The following THRB variants were observed in gnomAD, a reference collection of about 807,000 sequenced individuals.
THRB encodes the protein nuclear receptor subfamily 1 group A member 2.
A neutral mutation model predicts 47.8 loss-of-function variants in THRB; 12 were observed. That is an observed-to-expected ratio of 0.25 (90% CI 0.16 to 0.41). The LOEUF (loss-of-function observed/expected upper bound fraction) is 0.41, where lower values mean the gene tolerates loss of function less well. Ranked by LOEUF, THRB falls within the 10% of genes least tolerant of loss-of-function variation. THRB has a pLI of 1.00. For synonymous variants in THRB, 218 were observed against 212.2 expected (o/e 1.03, Z -0.24); for missense variants, 348 against 589.2 (o/e 0.59, Z 4.24).
intron 10 of THRB, among the ~76,000 whole-genome samples, chr3:24,124,648 A>T (rs2032370068): frequency 6.6e-6 from 1 of 152,240 alleles, no homozygotes; most frequent in African/African-American, 2.4e-5. Context: ...AAAAGTTCTT[A>T]AAGAAATGTC....
At chr3:24,171,582 G>A (rs1042912158) in intron 5 of THRB, among the ~76,000 whole-genome samples, 7 of 152,146 alleles carry the variant, frequency 4.6e-5, no homozygotes, top group South Asian at 2.1e-4. Context: ...CGTTGAGGCC[G>A]TGACCCACTC....
intron 1 of THRB, among the ~76,000 whole-genome samples, chr3:24,435,791 C>G (rs2070883258): frequency 6.6e-6 from 1 of 152,190 alleles, no homozygotes; most frequent in African/African-American, 2.4e-5. Flanking sequence ...AAGCACGCAG[C>G]AATATGCACA....
chr3:24,355,296 T>C (rs148553212), intron 1 of THRB, among the ~76,000 whole-genome samples: 5 of 152,032 alleles, frequency 3.3e-5, no homozygotes, highest in Non-Finnish European at 5.9e-5. Flanking sequence ...CCTCCAAAAA[T>C]ACCAAGGTCA....
intron 1 of THRB, among the ~76,000 whole-genome samples, chr3:24,390,849 T>C (rs934206383): frequency 1.3e-5 from 2 of 151,190 alleles, no homozygotes; most frequent in Admixed American, 6.6e-5. Flanking sequence ...TAAAAACTCA[T>C]AGGTAGAATA....
intron 5 of THRB, among the ~76,000 whole-genome samples, chr3:24,167,559 T>G (rs1241495206): frequency 6.6e-6 from 1 of 152,196 alleles, no homozygotes; most frequent in African/African-American, 2.4e-5. Flanking sequence ...TCTGATGTCA[T>G]TTATTTATCT....
At chr3:24,183,484 C>T (rs1419921628) in intron 5 of THRB, among the ~76,000 whole-genome samples, 2 of 150,690 alleles carry the variant, frequency 1.3e-5, no homozygotes, top group East Asian at 2.0e-4. Context: ...TCTCCTGCCT[C>T]GGCCTCCTGA....
At position 24,122,626 on chromosome 3, in the gene THRB, A is replaced by ATGAT. The variant is rs1206750405; in HGVS notation, c.*254_*257dup. The ATGAT allele has an allele frequency of 1.7e-5, 9 of 517,008 alleles. No homozygotes were observed. Among genetic ancestry groups the ATGAT allele is most frequent in the African/African-American group, 1.7e-4 (9 of 52,172 alleles). The allele number at this position is 517,008 out of a possible 1,614,324, so 32.0% of individuals were successfully genotyped here. A position where few individuals can be genotyped will look rare whatever the true frequency, so the allele number is the denominator to read the frequency against. The stretch of plus-strand genomic sequence containing the variant: ...GGTGATGCTTGGTGCTGGTGAGTTA[A>ATGAT]TGATTGTCCCCCACCCCACCTCCAC... On this transcript the variant is annotated 3_prime_UTR_variant, in exon 11 of 11. Coordinates refer to ENST00000646209, the MANE Select transcript of THRB (RefSeq NM_001354712.2).
chr3:24,139,424 T>G (rs2035153915), intron 8 of THRB, among the ~76,000 whole-genome samples: 1 of 151,604 alleles, frequency 6.6e-6, no homozygotes, highest in Non-Finnish European at 1.5e-5. Context: ...TACTCTGTTG[T>G]CCAGTCTGGA....
chr3:24,270,597 T>C (rs977056932), intron 3 of THRB, among the ~76,000 whole-genome samples: 5 of 152,248 alleles, frequency 3.3e-5, no homozygotes, highest in African/African-American at 7.2e-5. Context: ...TTGGCATCCA[T>C]GCAATTCTTG....
At chr3:24,299,835 C>T (rs1450920802) in intron 2 of THRB, among the ~76,000 whole-genome samples, 2 of 130,872 alleles carry the variant, frequency 1.5e-5, no homozygotes, top group Admixed American at 8.9e-5. Context: ...CCTTTAAATG[C>T]ATGTGGTTTT....
chr3:24,209,807 A>G (rs1310894859), intron 4 of THRB, among the ~76,000 whole-genome samples: 1 of 152,212 alleles, frequency 6.6e-6, no homozygotes, highest in Non-Finnish European at 1.5e-5. Context: ...CATGTACCCT[A>G]GAACTTAAAA....
rs183541112 is a variant in THRB at position 24,156,710 on chromosome 3, T to C, written c.284-4220A>G. Among the ~76,000 whole-genome samples the C allele has an allele frequency of 6.6e-5, 10 of 152,316 alleles. No homozygotes were observed. In the East Asian group the frequency reaches 1.9e-3, roughly 29 times the overall value. ...TCTGATCTTGGGACGGGATAGAGGATGAGACTGTATTTTGTCACCCTTCAG... is the reference window on the plus strand; with the variant it reads ...TCTGATCTTGGGACGGGATAGAGGACGAGACTGTATTTTGTCACCCTTCAG... On this transcript the variant is annotated intron_variant, in intron 5 of 10. Transcript: ENST00000646209.
At chr3:24,173,674 A>C (rs1351912689) in intron 5 of THRB, among the ~76,000 whole-genome samples, 3 of 152,152 alleles carry the variant, frequency 2.0e-5, no homozygotes, top group Non-Finnish European at 4.4e-5. Context: ...CTATCCCTGG[A>C]CAGTTCTTTT....
At chr3:24,352,239 C>A (rs1483087895) in intron 1 of THRB, among the ~76,000 whole-genome samples, 1 of 152,172 alleles carries the variant, frequency 6.6e-6, no homozygotes, top group Admixed American at 6.5e-5. Context: ...TAAAAACATT[C>A]CTGTTAGTAC....
rs556903675 is a variant in THRB at position 24,403,748 on chromosome 3, G to A, written c.-260-66377C>T. On this transcript the variant is annotated intron_variant, in intron 1 of 10. Coordinates refer to ENST00000646209, the MANE Select transcript of THRB (RefSeq NM_001354712.2). The stretch of plus-strand genomic sequence containing the variant: ...TTAAGCACAAAATTTTCCAAGTGAC[G>A]AAAGGGCAAGTATACATATGGCACT... Among the ~76,000 whole-genome samples, 16 of 152,040 alleles carry A rather than the reference G, an allele frequency of 1.1e-4. No individual in the cohort carries two copies. The East Asian group carries it at 1.2e-3, about 11-fold the overall frequency.
intron 1 of THRB, among the ~76,000 whole-genome samples, chr3:24,355,203 C>G (rs1361364361): frequency 2.0e-4 from 30 of 152,162 alleles, no homozygotes; most frequent in Admixed American, 1.9e-3. Flanking sequence ...TGTTTCCTTC[C>G]AAAGGCACAT....
chr3:24,408,148 G>T (rs531718652), intron 1 of THRB, among the ~76,000 whole-genome samples: 1 of 151,842 alleles, frequency 6.6e-6, no homozygotes, highest in South Asian at 2.1e-4. Context: ...GATCTATAGG[G>T]CAGAAACCAT....
At chr3:24,323,114 G>C (rs182490596) in intron 2 of THRB, among the ~76,000 whole-genome samples, 1 of 152,064 alleles carries the variant, frequency 6.6e-6, no homozygotes. Flanking sequence ...ATGTCATTCC[G>C]TTGAGCTTTA....
At chr3:24,323,229 T>G (rs1270863330) in intron 2 of THRB, among the ~76,000 whole-genome samples, 1 of 144,332 alleles carries the variant, frequency 6.9e-6, no homozygotes, top group East Asian at 1.9e-4. Context: ...GGTTTTTGGT[T>G]TTTTTTTTTT....
Sources: gnomAD v4.1 joint callset for allele counts (sites outside exome capture counted in the v4.1 genomes callset) on GRCh38, gnomAD v4.1.1 for gene constraint, MANE v1.5 for transcripts, NCBI Gene and HGNC (gene_info 2026-07-23, HGNC 2026-07-21) for gene names.